CLASP1: variants seen among roughly 807,000 people sequenced by gnomAD.
CLASP1 encodes cytoplasmic linker associated protein 1.
A neutral mutation model predicts 192.3 loss-of-function variants in CLASP1; 38 were observed. The observed-to-expected ratio is 0.20, with a 90% confidence interval of 0.15 to 0.26. CLASP1 has a LOEUF of 0.26. Ranked by LOEUF, CLASP1 falls within the 10% of genes least tolerant of loss-of-function variation. CLASP1 has a pLI of 1.00. For synonymous variants in CLASP1, 691 were observed against 712.8 expected, an observed-to-expected ratio of 0.97 and a Z score of 0.49; for missense variants, 1,433 against 1,932.5, an observed-to-expected ratio of 0.74 and a Z score of 4.85.
chr2:121,575,031 C>A (rs2060364399), intron 2 of CLASP1, among the ~76,000 whole-genome samples: 1 of 152,070 alleles, frequency 6.6e-6, no homozygotes, highest in Admixed American at 6.5e-5. Context: ...CTAATTAGCT[C>A]GATTTAGCCA....
chr2:121,607,531 T>C (rs1270076998), intron 1 of CLASP1, among the ~76,000 whole-genome samples: 1 of 152,258 alleles, frequency 6.6e-6, no homozygotes, highest in East Asian at 1.9e-4. Flanking sequence ...TTGCATAAGC[T>C]CTCTCGTTAA....
At chr2:121,516,682 A>C (rs2094305152) in intron 6 of CLASP1, among the ~76,000 whole-genome samples, 1 of 152,238 alleles carries the variant, frequency 6.6e-6, no homozygotes, top group Non-Finnish European at 1.5e-5. Context: ...TTAATATAAG[A>C]AAATATCTTT....
chr2:121,472,688 G>A (rs781356410), intron 8 of CLASP1, among the ~76,000 whole-genome samples: 5 of 152,216 alleles, frequency 3.3e-5, no homozygotes, highest in Admixed American at 6.5e-5. Flanking sequence ...TAGGCCTCAC[G>A]TGTGTGAGTG....
chr2:121,451,224 T>C (rs1233018406), intron 15 of CLASP1, among the ~76,000 whole-genome samples: 2 of 152,234 alleles, frequency 1.3e-5, no homozygotes, highest in African/African-American at 4.8e-5. Context: ...CCTAAGGACT[T>C]TGATAACCCT....
intron 22 of CLASP1, among the ~76,000 whole-genome samples, chr2:121,422,144 C>T (rs1387784644): frequency 6.6e-6 from 1 of 152,174 alleles, no homozygotes. Context: ...CTCTACCCTA[C>T]TTCAGTGTTT....
intron 9 of CLASP1, among the ~76,000 whole-genome samples, chr2:121,467,561 T>C (rs1559319913): frequency 6.6e-6 from 1 of 152,218 alleles, no homozygotes; most frequent in Non-Finnish European, 1.5e-5. Context: ...ATCAGTGATG[T>C]TGAGCTTTTT....
chr2:121,491,058 C>T (rs2150148270), intron 8 of CLASP1, among the ~76,000 whole-genome samples: 1 of 152,368 alleles, frequency 6.6e-6, no homozygotes, highest in South Asian at 2.1e-4. Flanking sequence ...CTAACAGAAT[C>T]TGTCAATGGT....
chr2:121,623,104 A>C (rs889375720), intron 1 of CLASP1, among the ~76,000 whole-genome samples: 4 of 152,098 alleles, frequency 2.6e-5, no homozygotes, highest in African/African-American at 9.7e-5. Flanking sequence ...ATTAAAGACT[A>C]TATGTCTTGT....
In CLASP1 at chr2:121,367,719, G is replaced by A. The variant is rs764169257; in HGVS notation, c.3755C>T (p.Pro1252Leu). The stretch of plus-strand genomic sequence containing the variant: ...CCGCGGCCCCGGGAAGGCGCGCGGA[G>A]GCTGGGTGTTGAGTAGTGAGGTCTT... Residue 1252 changes from proline (P) to leucine (L), a missense_variant, in exon 35 of 40, where the codon CCT becomes CTT. This residue lies in a region of CLASP1 where 336 missense variants were observed against 358.0 expected (regional missense o/e 0.94). Transcript: ENST00000263710. The A allele has an allele frequency of 8.7e-6, 14 of 1,613,884 alleles. No individual in the cohort carries two copies. The African/African-American group carries it at 1.9e-4, about 22-fold the overall frequency.
At chr2:121,418,248 A>G (rs186057235) in intron 23 of CLASP1, among the ~76,000 whole-genome samples, 30 of 152,374 alleles carry the variant, frequency 2.0e-4, no homozygotes, top group Admixed American at 9.1e-4. Context: ...TAGTAAAATT[A>G]AAGATAAATT....
chr2:121,467,708 C>G (rs10432592), intron 9 of CLASP1, among the ~76,000 whole-genome samples: 96 of 152,134 alleles, frequency 6.3e-4, no homozygotes, highest in African/African-American at 2.3e-3. Context: ...TTTTGTCAGA[C>G]GGATAGATTG....
At chr2:121,408,832 TG>T (rs1395027970) in intron 24 of CLASP1, among the ~76,000 whole-genome samples, 5 of 152,112 alleles carry the variant, frequency 3.3e-5, no homozygotes, top group African/African-American at 1.2e-4. Context: ...CTAAAACAGA[TG>T]TACATGAAAG....
intron 1 of CLASP1, among the ~76,000 whole-genome samples, chr2:121,648,873 G>A (rs12711559): frequency 0.2 from 29,935 of 152,240 alleles, 5,339 homozygotes; most frequent in African/African-American, 0.47. Flanking sequence ...GCCCGGTTGG[G>A]AGCCCAGGAC....
Position 121,397,087 on chromosome 2 carries a change from TA to T in CLASP1, c.3123+52del, listed in dbSNP as rs933657949. On this transcript the variant is annotated intron_variant, in intron 30 of 39. Transcript: ENST00000263710. ...TTTCAAGTTTCTAAATACATTTCTCTAACACAAGCCCAGGAACAATCTGTAA... is the reference window on the plus strand; with the variant it reads ...TTTCAAGTTTCTAAATACATTTCTCTACACAAGCCCAGGAACAATCTGTAA... The T allele has an allele frequency of 2.5e-6, 4 of 1,590,134 alleles. No homozygotes were observed. In the African/African-American group the frequency reaches 5.4e-5, roughly 21 times the overall value.
chr2:121,563,775 G>C (rs1422617057), intron 2 of CLASP1, among the ~76,000 whole-genome samples: 1 of 152,136 alleles, frequency 6.6e-6, no homozygotes, highest in Non-Finnish European at 1.5e-5. Flanking sequence ...AAACAAAAAA[G>C]AATGAGCAAG....
chr2:121,409,997 C>T (rs1395431441), intron 24 of CLASP1, among the ~76,000 whole-genome samples: 2 of 152,190 alleles, frequency 1.3e-5, no homozygotes, highest in Non-Finnish European at 2.9e-5. Context: ...ACTGGAATCA[C>T]CATAGCCATA....
rs2062754861 is a variant in CLASP1 at position 121,341,325 on chromosome 2, G to A, written c.4531-378C>T. On this transcript the variant is annotated intron_variant, in intron 39 of 39. Coordinates refer to ENST00000263710, the Ensembl canonical transcript of CLASP1. ...ATCAGAGCCAGGGAAAAAGCAGGGT[G>A]AGAACCCCGCTCCACAGGGGGGAAG... Among the ~76,000 whole-genome samples, 9 of 152,222 alleles carry A rather than the reference G, an allele frequency of 5.9e-5. No individual in the cohort carries two copies. The South Asian group carries it at 1.9e-3, about 31-fold the overall frequency.
chr2:121,419,490 G>T (rs958867429), intron 22 of CLASP1, among the ~76,000 whole-genome samples: 8 of 152,154 alleles, frequency 5.3e-5, no homozygotes, highest in African/African-American at 1.7e-4. Flanking sequence ...TTCACACTGT[G>T]TCTAGAGCAA....
chr2:121,531,088 A>G lies in CLASP1; in HGVS notation c.196-763T>C, dbSNP rs149357866. On this transcript the variant is annotated intron_variant, in intron 2 of 39. Coordinates refer to ENST00000263710, the Ensembl canonical transcript of CLASP1. ...ACTAGTACTTTGTGGTTAAACCAGT[A>G]GAGGGTGCACAAGACGCGTGGTTTT... The G allele has an allele frequency of 1.5e-4, 103 of 669,998 alleles. No individual in the cohort carries two copies. The Middle Eastern group carries it at 2.3e-3, about 15-fold the overall frequency. 41.5% of individuals were successfully genotyped at this position (669,998 alleles called of 1,614,324 possible).
Sources: gnomAD v4.1 joint callset for allele counts (sites outside exome capture counted in the v4.1 genomes callset) on GRCh38, gnomAD v4.1.1 for gene constraint, gnomAD v4.1.1 regional missense constraint, MANE v1.5 for transcripts, NCBI Gene and HGNC (gene_info 2026-07-23, HGNC 2026-07-21) for gene names.